The following CUBN variants were observed in gnomAD, a reference collection of about 807,000 sequenced individuals.
CUBN encodes the protein 460 kDa receptor.
In CUBN, 282 loss-of-function variants were observed where a neutral mutation model predicts 405.3. The ratio of observed to expected loss-of-function variants is 0.70; its 90% confidence interval spans 0.63 to 0.77. The LOEUF (loss-of-function observed/expected upper bound fraction) is 0.77, where lower values mean the gene tolerates loss of function less well. CUBN is among the 30% of genes least tolerant of loss of function. The probability of loss-of-function intolerance (pLI) is 0.00; values close to 1 mark genes in which losing one functional copy is unlikely to be tolerated. For missense variants in CUBN, 4,514 were observed against 4,475.2 expected, an observed-to-expected ratio of 1.01 and a Z score of -0.25; for synonymous variants, 1,684 against 1,617.0, an observed-to-expected ratio of 1.04 and a Z score of -0.99.
intron 29 of CUBN, among the ~76,000 whole-genome samples, chr10:16,985,289 A>C (rs2131703430): frequency 6.6e-6 from 1 of 152,340 alleles, no homozygotes; most frequent in East Asian, 1.9e-4. Context: ...GTGGCAGAGA[A>C]GGAGAGAGAA....
intron 60 of CUBN, among the ~76,000 whole-genome samples, chr10:16,843,772 A>G (rs1435985429): frequency 1.3e-5 from 2 of 152,214 alleles, no homozygotes; most frequent in African/African-American, 2.4e-5. Context: ...TGAACAAAGG[A>G]GAGTAAAGGT....
intron 28 of CUBN, among the ~76,000 whole-genome samples, chr10:17,019,173 G>T (rs1266163959): frequency 6.6e-6 from 1 of 152,104 alleles, no homozygotes; most frequent in Non-Finnish European, 1.5e-5. Context: ...CTTGCAGATT[G>T]GCCCACCTGA....
intron 59 of CUBN, among the ~76,000 whole-genome samples, chr10:16,853,012 A>G (rs996752851): frequency 6.6e-6 from 1 of 152,230 alleles, no homozygotes. Context: ...TAAAAATTTT[A>G]TAATTCAGAA....
At chr10:16,957,751 T>C (rs1434806179) in intron 31 of CUBN, among the ~76,000 whole-genome samples, 1 of 152,140 alleles carries the variant, frequency 6.6e-6, no homozygotes, top group Non-Finnish European at 1.5e-5. Context: ...GGAAATTAAA[T>C]AAGTATGTTG....
chr10:16,831,776 A>G (rs1306500982), intron 64 of CUBN, among the ~76,000 whole-genome samples: 1 of 152,110 alleles, frequency 6.6e-6, no homozygotes, highest in Non-Finnish European at 1.5e-5. Context: ...AAAGGTGGAG[A>G]TGGGCGGGGG....
At chr10:16,852,261 C>T (rs147834413) in intron 59 of CUBN, among the ~76,000 whole-genome samples, 1,327 of 125,338 alleles carry the variant, frequency 0.011, 69 homozygotes, top group African/African-American at 0.041. Context: ...CTATCTTTCC[C>T]TCCCTCCCTC....
intron 9 of CUBN, 33 bp downstream of exon 9, chr10:17,110,886 G>C (rs1157561313): frequency 6.2e-7 from 1 of 1,613,950 alleles, no homozygotes; most frequent in Non-Finnish European, 8.5e-7. Context: ...CCTGTGCTGG[G>C]GTCAGGAGGT....
chr10:16,837,504 C>T lies in CUBN; in HGVS notation c.10033-1122G>A, dbSNP rs113402868. Among the ~76,000 whole-genome samples, 545 of 152,300 alleles carry T rather than the reference C, an allele frequency of 3.6e-3. 6 individuals carry two copies. The highest frequency in any genetic ancestry group is 0.012 in the African/African-American group (515 of 41,562). On this transcript the variant is annotated intron_variant, in intron 62 of 66. Transcript: ENST00000377833. ...GAGGTGTCTCAGCTCATAGTCATCT[C>T]CTGCCCCTGATTTCCTTTCTGAACC...
intron 29 of CUBN, among the ~76,000 whole-genome samples, chr10:16,987,450 G>A (rs1833458501): frequency 6.6e-6 from 1 of 152,194 alleles, no homozygotes; most frequent in Admixed American, 6.5e-5. Flanking sequence ...TTTCTGCTCT[G>A]TTAGCTCCAT....
intron 62 of CUBN, among the ~76,000 whole-genome samples, 190 bp from the exon 63 acceptor site, chr10:16,836,572 G>A (rs1399419924): frequency 1.3e-5 from 2 of 152,208 alleles, no homozygotes; most frequent in African/African-American, 4.8e-5. Context: ...CTTCCCAGAG[G>A]GGCAGGAGGA....
chr10:17,122,635 A>G, intron 6 of CUBN, 160 bp downstream of exon 6: 1 of 665,620 alleles, frequency 1.5e-6, no homozygotes, highest in Non-Finnish European at 2.8e-6. Context: ...CAGTTAAGTA[A>G]AAATAGCTAT....
chr10:16,969,512 A>T (rs192261492), intron 31 of CUBN, among the ~76,000 whole-genome samples: 1 of 151,808 alleles, frequency 6.6e-6, no homozygotes, highest in Non-Finnish European at 1.5e-5. Context: ...GCACCACAAA[A>T]CCCAGCTAAT....
rs576354508 is a variant in CUBN, at chr10:16,836,243, T to C, written c.10172A>G (p.Gln3391Arg). 4 of 1,613,930 alleles carry C rather than the reference T, an allele frequency of 2.5e-6. No homozygotes were observed. The South Asian group carries it at 4.4e-5, about 18-fold the overall frequency. Reference sequence around the variant, plus strand: ...GAAGTTCCTGGCCTCACCTGCAATCTGATAGGTGAAACTCATTCTAGAGTT... The same window carrying C: ...GAAGTTCCTGGCCTCACCTGCAATCCGATAGGTGAAACTCATTCTAGAGTT... ...NRNSRMSFTY[Q>R]IADCNRDYHK... The change falls in exon 63 of 67, where the codon CAG (glutamine) becomes CGG (arginine). Residue 3391 changes from glutamine (Q) to arginine (R), a missense_variant. Transcript: ENST00000377833.
chr10:16,968,089 A>C (rs1843453696), intron 31 of CUBN, among the ~76,000 whole-genome samples: 1 of 152,198 alleles, frequency 6.6e-6, no homozygotes, highest in Non-Finnish European at 1.5e-5. Context: ...AAATATTTAA[A>C]GAAGACTTGT....
intron 22 of CUBN, among the ~76,000 whole-genome samples, chr10:17,058,721 C>T (rs117846853): frequency 0.014 from 2,137 of 152,116 alleles, 33 homozygotes; most frequent in Middle Eastern, 0.024. Context: ...ATATAAATGG[C>T]TCCTTCTAGA....
intron 32 of CUBN, among the ~76,000 whole-genome samples, chr10:16,953,911 A>AGAAGAGGG (rs549695307): frequency 0.16 from 12,133 of 77,358 alleles, 622 homozygotes; most frequent in African/African-American, 0.3. Context: ...AGGAAGGGGA[A>AGAAGAGGG]GAAGAGGGGA....
At chr10:17,017,764 TA>T (rs1400190707) in intron 28 of CUBN, among the ~76,000 whole-genome samples, 1 of 152,122 alleles carries the variant, frequency 6.6e-6, no homozygotes. Flanking sequence ...GAGTTTATAT[TA>T]GAAATCATTC....
chr10:17,119,195 T>C (rs991881879), intron 6 of CUBN, among the ~76,000 whole-genome samples: 4 of 152,246 alleles, frequency 2.6e-5, no homozygotes, highest in Non-Finnish European at 5.9e-5. Flanking sequence ...CTACCAGTGA[T>C]ATGAATGGAA....
At chr10:16,917,947 C>A (rs185341716) in intron 45 of CUBN, among the ~76,000 whole-genome samples, 1 of 152,196 alleles carries the variant, frequency 6.6e-6, no homozygotes, top group Admixed American at 6.5e-5. Context: ...AGTCTTTACT[C>A]CATCTTGAAT....
Sources: gnomAD v4.1 joint callset for allele counts (sites outside exome capture counted in the v4.1 genomes callset) on GRCh38, gnomAD v4.1.1 for gene constraint, MANE v1.5 for transcripts, NCBI Gene and HGNC (gene_info 2026-07-23, HGNC 2026-07-21) for gene names.